The following GABRE variants were observed in gnomAD, a reference collection of about 807,000 sequenced individuals.
The protein encoded by GABRE is gamma-aminobutyric acid receptor subunit epsilon.
In GABRE, 20 loss-of-function variants were observed where a neutral mutation model predicts 31.0. The observed-to-expected ratio is 0.64, with a 90% CI of 0.45 to 0.94. The LOEUF (loss-of-function observed/expected upper bound fraction) is 0.94, where lower values mean the gene tolerates loss of function less well. Ranked by LOEUF, GABRE falls within the 40% of genes least tolerant of loss-of-function variation. The pLI is 0.00. For synonymous variants in GABRE, 155 were observed against 150.6 expected (o/e 1.03, Z -0.21); for missense variants, 420 against 410.7 (o/e 1.02, Z -0.20).
At chrX:151,965,318 C>G (rs775296857) in intron 3 of GABRE, among the ~76,000 whole-genome samples, 1 of 111,653 alleles carries the variant, frequency 9.0e-6, no homozygotes, top group East Asian at 2.8e-4. Context: ...TAGATATATC[C>G]GTGATTATTT....
chrX:151,971,379 A>G, intron 1 of GABRE: 1 of 276,912 alleles, frequency 3.6e-6, no homozygotes, highest in South Asian at 3.6e-5. Flanking sequence ...TCTGGATCTT[A>G]TTTTATTTAA....
intron 3 of GABRE, among the ~76,000 whole-genome samples, chrX:151,969,065 G>C (rs1328065991): frequency 8.9e-6 from 1 of 112,282 alleles, no homozygotes; most frequent in Non-Finnish European, 1.9e-5. Context: ...GTACAAGGTG[G>C]TCTGGGAACA....
At chrX:151,972,034 A>G in intron 1 of GABRE, 3 of 752,663 alleles carry the variant, frequency 4.0e-6, no homozygotes, top group Non-Finnish European at 4.7e-6. Context: ...GGCACGTCAC[A>G]CTTCCAAAAG....
chrX:151,967,133 C>T (rs185992928), intron 3 of GABRE, among the ~76,000 whole-genome samples: 2 of 111,726 alleles, frequency 1.8e-5, no homozygotes, highest in Admixed American at 9.5e-5. Flanking sequence ...TCTTGGCGCC[C>T]CCTGCTCCAT....
intron 3 of GABRE, among the ~76,000 whole-genome samples, chrX:151,967,790 T>C (rs1221428476): frequency 8.9e-6 from 1 of 112,254 alleles, no homozygotes; most frequent in Non-Finnish European, 1.9e-5. Context: ...GCTTCTGTTC[T>C]TGTTAGTTCT....
chrX:151,969,840 A>G (rs1934634376), intron 2 of GABRE, 104 bp from the exon 3 acceptor site: 1 of 1,126,982 alleles, frequency 8.9e-7, no homozygotes, highest in Admixed American at 3.0e-5. Context: ...TAAGTGTTGG[A>G]CCACACAGTT....
At chrX:151,968,216 C>T (rs182635454) in intron 3 of GABRE, among the ~76,000 whole-genome samples, 4 of 112,050 alleles carry the variant, frequency 3.6e-5, no homozygotes, top group African/African-American at 1.3e-4. Flanking sequence ...TGGATCCCCC[C>T]TCAGTTGAGC....
chrX:151,963,296 G>A (rs1481442590), intron 3 of GABRE, among the ~76,000 whole-genome samples: 2 of 111,887 alleles, frequency 1.8e-5, no homozygotes, highest in East Asian at 5.6e-4. Context: ...TTTTCTCTAG[G>A]GTAGACATTC....
intron 1 of GABRE, among the ~76,000 whole-genome samples, chrX:151,970,783 C>T (rs778561087): frequency 1.8e-5 from 2 of 112,518 alleles, no homozygotes; most frequent in Non-Finnish European, 3.7e-5. Flanking sequence ...GAGTGAGGAG[C>T]AGGCAGAGGG....
chrX:151,953,739 G>A lies in GABRE; in HGVS notation c.*962C>T, dbSNP rs750407392. 2 of 111,902 alleles carry A rather than the reference G, an allele frequency of 1.8e-5. No homozygotes were observed. The highest frequency in any genetic ancestry group is 6.5e-5 in the African/African-American group (2 of 30,799). The allele number at this position is 111,902 out of a possible 1,213,427, so 9.2% of individuals were successfully genotyped here. On this transcript the variant is annotated 3_prime_UTR_variant, in exon 9 of 9. Transcript: ENST00000370328. Reference sequence around the variant, plus strand: ...GGGGTCAAGCAAGTGATAGAACTCCGACAGTGTGCCCTGGGTGGGCACCAA... The same window carrying A: ...GGGGTCAAGCAAGTGATAGAACTCCAACAGTGTGCCCTGGGTGGGCACCAA...
intron 1 of GABRE, among the ~76,000 whole-genome samples, chrX:151,970,871 C>A (rs935807565): frequency 9.0e-6 from 1 of 110,726 alleles, no homozygotes; most frequent in Non-Finnish European, 1.9e-5. Context: ...GAATATTTTG[C>A]GGTTTTGTTG....
At chrX:151,965,918 C>T (rs1212045007) in intron 3 of GABRE, among the ~76,000 whole-genome samples, 1 of 111,935 alleles carries the variant, frequency 8.9e-6, no homozygotes, top group African/African-American at 3.2e-5. Flanking sequence ...CCTCTGACCC[C>T]GACCTGCCCC....
Position 151,954,701 on chromosome X carries a change from C to T in GABRE, c.1521G>A (p.Ter507=), listed in dbSNP as rs1467961406. 2 of 1,187,949 alleles carry T rather than the reference C, an allele frequency of 1.7e-6. No individual in the cohort carries two copies. The highest frequency in any genetic ancestry group is 2.3e-6 in the Non-Finnish European group (2 of 884,593). ...VLYWLVCLNL[*] ...TGCCCCACAGGGTACCAGCTGGTAC[C>T]TACAAGTTAAGGCAAACAAGCCAGT... is the stretch of plus-strand genomic sequence containing the variant. The change falls in exon 9 of 9, where the codon TAG becomes TAA. Residue 507 remains the stop codon, a stop_retained_variant. Coordinates refer to ENST00000370328, the MANE Select transcript of GABRE (RefSeq NM_004961.4).
At chrX:151,962,822 C>T (rs927026694) in intron 3 of GABRE, among the ~76,000 whole-genome samples, 179 bp from the exon 4 acceptor site, 1 of 111,674 alleles carries the variant, frequency 9.0e-6, no homozygotes, top group African/African-American at 3.3e-5. Context: ...CTCAAAGACT[C>T]TTCCAATGTC....
rs552046291 is a variant in GABRE at position 151,962,367 on chromosome X, A to G, written c.563+56T>C. ...CTCTGCCCATGGATCTTTAGCTAAA[A>G]TTATCAGAAGGGGAGAGAGAATTCC... is the stretch of plus-strand genomic sequence containing the variant. On this transcript the variant is annotated intron_variant, in intron 4 of 8. Coordinates refer to ENST00000370328, the MANE Select transcript of GABRE (RefSeq NM_004961.4). 7.6e-6 allele frequency: 8 copies of G among 1,053,589 alleles called. No homozygotes were observed. The South Asian group carries it at 1.5e-4, about 20-fold the overall frequency. 86.8% of individuals were successfully genotyped at this position (1,053,589 alleles called of 1,213,427 possible). A position where few individuals can be genotyped will look rare whatever the true frequency, so the allele number is the denominator to read the frequency against.
At chrX:151,958,419 C>T (rs1480533350) in intron 6 of GABRE, 2 of 282,449 alleles carry the variant, frequency 7.1e-6, no homozygotes, top group African/African-American at 5.7e-5. Flanking sequence ...TGAGACCAGT[C>T]CCAAAGATAA....
chrX:151,962,371 T>C lies in GABRE; in HGVS notation c.563+52A>G. The C allele has an allele frequency of 2.8e-6, 3 of 1,055,202 alleles. No individual in the cohort carries two copies. The South Asian group carries it at 5.7e-5, about 20-fold the overall frequency. 87.0% of individuals were successfully genotyped at this position (1,055,202 alleles called of 1,213,427 possible). ...GCCCATGGATCTTTAGCTAAAATTA[T>C]CAGAAGGGGAGAGAGAATTCCAGGA... On this transcript the variant is annotated intron_variant, in intron 4 of 8. Coordinates refer to ENST00000370328, the MANE Select transcript of GABRE (RefSeq NM_004961.4).
At chrX:151,955,620 G>T in intron 7 of GABRE, 53 bp from the exon 8 acceptor site, 1 of 1,198,944 alleles carries the variant, frequency 8.3e-7, no homozygotes, top group Non-Finnish European at 1.1e-6. Context: ...TGCGACATTG[G>T]TTAAAAGACT....
intron 1 of GABRE, among the ~76,000 whole-genome samples, chrX:151,973,198 T>G (rs2124188026): frequency 9.0e-6 from 1 of 110,688 alleles, no homozygotes; most frequent in East Asian, 2.9e-4. Context: ...CATTGTCACC[T>G]CCTCAGCTCT....
Sources: gnomAD v4.1 joint callset for allele counts (sites outside exome capture counted in the v4.1 genomes callset) on GRCh38, gnomAD v4.1.1 for gene constraint, MANE v1.5 for transcripts, NCBI Gene and HGNC (gene_info 2026-07-23, HGNC 2026-07-21) for gene names.